PLD5: variants seen among roughly 807,000 people sequenced by gnomAD.
PLD5 encodes the protein phospholipase D family member 5, also known as inactive phospholipase D5.
PLD5 carries 36 observed loss-of-function variants against 61.1 expected under a neutral mutation model. The ratio of observed to expected loss-of-function variants is 0.59; its 90% CI spans 0.45 to 0.78. The LOEUF is 0.78. Ranked by LOEUF, PLD5 falls within the 30% of genes least tolerant of loss-of-function variation. The pLI, the probability that PLD5 is intolerant of heterozygous loss-of-function variation, is 0.00. For missense variants in PLD5, 515 were observed against 644.4 expected (o/e 0.80, Z 2.17); for synonymous variants, 243 against 242.8 (o/e 1.00, Z -0.01).
At position 242,183,874 on chromosome 1, in the gene PLD5, G is replaced by A. The variant is rs538167185; in HGVS notation, c.735+36114C>T. Among the ~76,000 whole-genome samples, 8 of 152,158 alleles carry A rather than the reference G, an allele frequency of 5.3e-5. No homozygotes were observed. In the East Asian group the frequency reaches 1.2e-3, roughly 22 times the overall value. On this transcript the variant is annotated intron_variant, in intron 5 of 9. Transcript: ENST00000536534. ...CGCGCCACTGCACTCCAGCCTGGGC[G>A]ACAGAGCGAGACTCCGTCTCAAAAT...
intron 2 of PLD5, among the ~76,000 whole-genome samples, chr1:242,311,208 GT>G (rs1249613007): frequency 1.3e-5 from 2 of 152,166 alleles, no homozygotes; most frequent in African/African-American, 2.4e-5. Flanking sequence ...CTAAAAAAAA[GT>G]TTTTTTGGTG....
At chr1:242,245,806 G>A (rs1275064073) in intron 4 of PLD5, among the ~76,000 whole-genome samples, 2 of 152,134 alleles carry the variant, frequency 1.3e-5, no homozygotes, top group Non-Finnish European at 2.9e-5. Context: ...TCTGGTGTTA[G>A]TGGGGCCCAG....
At chr1:242,268,313 C>A (rs12075820) in intron 3 of PLD5, among the ~76,000 whole-genome samples, 2 of 152,128 alleles carry the variant, frequency 1.3e-5, no homozygotes, top group Non-Finnish European at 2.9e-5. Flanking sequence ...TCGTGTGTTC[C>A]GTAAGGCCCC....
chr1:242,324,308 G>A (rs1441290868), intron 2 of PLD5, among the ~76,000 whole-genome samples: 1 of 152,214 alleles, frequency 6.6e-6, no homozygotes, highest in Admixed American at 6.5e-5. Context: ...AACAAAGGCA[G>A]TACAGAATTT....
chr1:242,131,722 T>C (rs1663266568), intron 5 of PLD5, among the ~76,000 whole-genome samples: 1 of 152,194 alleles, frequency 6.6e-6, no homozygotes, highest in Non-Finnish European at 1.5e-5. Flanking sequence ...GGCCAGGTCC[T>C]ACTTGCCATG....
chr1:242,095,955 CT>C (rs1466193379), intron 9 of PLD5, among the ~76,000 whole-genome samples: 3 of 151,458 alleles, frequency 2.0e-5, no homozygotes, highest in East Asian at 3.9e-4. Context: ...AATATTCTCT[CT>C]TTTTTTTTCT....
At position 242,348,093 on chromosome 1, in the gene PLD5, T is replaced by G; in HGVS notation, c.326+13A>C. 6.2e-7 allele frequency: 1 copy of G among 1,611,806 alleles called. No homozygotes were observed. Among genetic ancestry groups the G allele is most frequent in the Non-Finnish European group, 8.5e-7 (1 of 1,179,200 alleles). On this transcript the variant is annotated intron_variant, in intron 2 of 9. Coordinates refer to ENST00000536534, the MANE Select transcript of PLD5 (RefSeq NM_001372062.1). ...CGCCCCCTAAAAGAGAATTTTTGTT[T>G]GTTACCTCTTACCGACATTTATTTT...
Position 242,509,268 on chromosome 1 carries a change from A to T in PLD5, c.189+14820T>A, listed in dbSNP as rs181494321. Among the ~76,000 whole-genome samples, 18 of 151,564 alleles carry T rather than the reference A, an allele frequency of 1.2e-4. No homozygotes were observed. In the East Asian group the frequency reaches 3.5e-3, roughly 30 times the overall value. ...ATGGCATGCACCTGTAGTCCCAGCTACTCGGGAGGCTGAGGCAGGAGAATT... is the reference window on the plus strand; with the variant it reads ...ATGGCATGCACCTGTAGTCCCAGCTTCTCGGGAGGCTGAGGCAGGAGAATT... On this transcript the variant is annotated intron_variant, in intron 1 of 9. Coordinates refer to ENST00000536534, the MANE Select transcript of PLD5 (RefSeq NM_001372062.1).
At chr1:242,113,552 G>C (rs1402902804) in intron 7 of PLD5, among the ~76,000 whole-genome samples, 1 of 152,154 alleles carries the variant, frequency 6.6e-6, no homozygotes, top group African/African-American at 2.4e-5. Flanking sequence ...ATTTTCAAAT[G>C]ATAATTTTTT....
intron 1 of PLD5, among the ~76,000 whole-genome samples, chr1:242,409,988 G>A (rs532041103): frequency 1.3e-4 from 20 of 152,270 alleles, no homozygotes; most frequent in Non-Finnish European, 1.5e-5. Flanking sequence ...CATTTCTGGA[G>A]CCGCTTTAAA....
chr1:242,344,049 T>C (rs1412361828), intron 2 of PLD5, among the ~76,000 whole-genome samples: 1 of 152,182 alleles, frequency 6.6e-6, no homozygotes, highest in Non-Finnish European at 1.5e-5. Context: ...GTTAGACTTG[T>C]AGGAAATCAG....
At chr1:242,411,590 A>T (rs1664562508) in intron 1 of PLD5, among the ~76,000 whole-genome samples, 1 of 152,208 alleles carries the variant, frequency 6.6e-6, no homozygotes, top group South Asian at 2.1e-4. Flanking sequence ...TTAGCCCCTA[A>T]TATGGGGCAT....
chr1:242,099,488 G>T (rs1660519274), intron 9 of PLD5, among the ~76,000 whole-genome samples: 1 of 152,182 alleles, frequency 6.6e-6, no homozygotes, highest in South Asian at 2.1e-4. Flanking sequence ...AATGGAAAAA[G>T]AATACGTTTA....
intron 1 of PLD5, among the ~76,000 whole-genome samples, chr1:242,454,300 C>G (rs544328325): frequency 2.0e-5 from 3 of 150,070 alleles, no homozygotes; most frequent in South Asian, 4.2e-4. Flanking sequence ...GCATTGCACT[C>G]TAGCCTGGGC....
chr1:242,272,749 TG>T (rs1160040397), intron 3 of PLD5, among the ~76,000 whole-genome samples: 1 of 152,066 alleles, frequency 6.6e-6, no homozygotes, highest in Non-Finnish European at 1.5e-5. Context: ...ATATCTGGTG[TG>T]GAAGGGAAAT....
chr1:242,414,356 A>G (rs1447013565), intron 1 of PLD5, among the ~76,000 whole-genome samples: 3 of 152,228 alleles, frequency 2.0e-5, no homozygotes, highest in Admixed American at 6.5e-5. Flanking sequence ...CTTTACTCCT[A>G]TGAAAAAGAG....
At chr1:242,259,690 GCTTT>G (rs1335192862) in intron 4 of PLD5, among the ~76,000 whole-genome samples, 1 of 150,146 alleles carries the variant, frequency 6.7e-6, no homozygotes, top group African/African-American at 2.5e-5. Context: ...ATAAAAGCCT[GCTTT>G]TTTTTTTCAA....
intron 5 of PLD5, among the ~76,000 whole-genome samples, chr1:242,128,175 C>A (rs921090584): frequency 6.6e-6 from 1 of 152,084 alleles, no homozygotes; most frequent in Non-Finnish European, 1.5e-5. Context: ...TGTGGAGGCA[C>A]AAATCTGTAA....
Position 242,089,872 on chromosome 1 carries a change from C to T in PLD5, c.1593G>A (p.Lys531=), listed in dbSNP as rs1659682380. The change falls in exon 10 of 10, where the codon AAG becomes AAA. Residue 531 remains lysine (K), a synonymous_variant. Coordinates refer to ENST00000536534, the MANE Select transcript of PLD5 (RefSeq NM_001372062.1). Reference sequence around the variant, plus strand: ...CATCATGTTATACGTTCCGGGGATCCTTTCCGCCTGTGTCGTCTGTGGCAG... The same window carrying T: ...CATCATGTTATACGTTCCGGGGATCTTTTCCGCCTGTGTCGTCTGTGGCAG... ...NKTATDDTGG[K]DPRNV 6.2e-7 allele frequency: 1 copy of T among 1,614,174 alleles called. No individual in the cohort carries two copies. Among genetic ancestry groups the T allele is most frequent in the Non-Finnish European group, 8.5e-7 (1 of 1,180,038 alleles).
Sources: allele counts gnomAD v4.1 joint callset (sites outside exome capture counted in the v4.1 genomes callset), GRCh38; gene constraint gnomAD v4.1.1; transcripts MANE v1.5; gene names NCBI Gene and HGNC (gene_info 2026-07-23, HGNC 2026-07-21).